COBL: variants seen among roughly 807,000 people sequenced by gnomAD.
The protein encoded by COBL is cordon-bleu WH2 repeat protein, also known as protein cordon-bleu.
COBL carries 51 observed loss-of-function variants against 98.8 expected under a neutral mutation model. The ratio of observed to expected loss-of-function variants is 0.52; its 90% confidence interval spans 0.41 to 0.65. The LOEUF is 0.65. Among genes scored for constraint, COBL ranks in the 30% least tolerant of loss-of-function variants. The probability of loss-of-function intolerance (pLI) is 0.00; values close to 1 mark genes in which losing one functional copy is unlikely to be tolerated. For synonymous variants in COBL, 634 were observed against 651.7 expected (o/e 0.97, Z 0.41); for missense variants, 1,617 against 1,617.5 (o/e 1.00, Z 0.01).
chr7:51,111,054 G>GT (rs1248831992), intron 6 of COBL, among the ~76,000 whole-genome samples: 1 of 152,210 alleles, frequency 6.6e-6, no homozygotes, highest in African/African-American at 2.4e-5. Flanking sequence ...TAGATGCCCA[G>GT]TAGTGGGATT....
chr7:51,177,580 C>A (rs1788492768), intron 5 of COBL, among the ~76,000 whole-genome samples: 1 of 151,738 alleles, frequency 6.6e-6, no homozygotes, highest in Non-Finnish European at 1.5e-5. Flanking sequence ...TCGAGACCAG[C>A]CTGGCTGACA....
chr7:51,214,659 C>A (rs1376290156), intron 2 of COBL, among the ~76,000 whole-genome samples: 1 of 152,070 alleles, frequency 6.6e-6, no homozygotes, highest in Non-Finnish European at 1.5e-5. Context: ...CAACATGTAC[C>A]CTGGGGGCCC....
At chr7:51,088,332 T>C (rs1562894849) in intron 6 of COBL, among the ~76,000 whole-genome samples, 1 of 118,212 alleles carries the variant, frequency 8.5e-6, no homozygotes, top group Non-Finnish European at 1.8e-5. Context: ...GCCTAAATTT[T>C]TTCTGATTTC....
intron 5 of COBL, among the ~76,000 whole-genome samples, chr7:51,169,336 T>A (rs1467222176): frequency 6.6e-6 from 1 of 151,908 alleles, no homozygotes; most frequent in Non-Finnish European, 1.5e-5. Flanking sequence ...ATGTATTATG[T>A]CCCCCCAAAA....
At chr7:51,100,921 A>AC (rs1157071612) in intron 6 of COBL, among the ~76,000 whole-genome samples, 14 of 149,492 alleles carry the variant, frequency 9.4e-5, no homozygotes, top group African/African-American at 3.4e-4. Flanking sequence ...AACAAAAAAA[A>AC]AACAACAACA....
At chr7:51,043,796 T>G (rs1789433232) in intron 7 of COBL, 104 bp from the exon 8 acceptor site, 2 of 932,088 alleles carry the variant, frequency 2.1e-6, no homozygotes, top group Non-Finnish European at 3.2e-6. Flanking sequence ...AAATTTGGGA[T>G]TCAGGGTGCT....
intron 1 of COBL, among the ~76,000 whole-genome samples, chr7:51,297,439 T>C (rs1445160754): frequency 6.9e-6 from 1 of 144,394 alleles, no homozygotes; most frequent in African/African-American, 2.6e-5. Context: ...TCATGCAGGC[T>C]GGAGTGCAAT....
intron 5 of COBL, among the ~76,000 whole-genome samples, chr7:51,153,890 A>G (rs1785819182): frequency 6.6e-6 from 1 of 152,220 alleles, no homozygotes; most frequent in Non-Finnish European, 1.5e-5. Flanking sequence ...CATGTCCTTA[A>G]GTTCTCGCCA....
At position 51,191,662 on chromosome 7, in the gene COBL, A is replaced by G. The variant is rs532118044; in HGVS notation, c.457-584T>C. On this transcript the variant is annotated intron_variant, in intron 3 of 12. Transcript: ENST00000265136. Reference sequence around the variant, plus strand: ...TTATGTATACACACTACACACACGTATTTAAGCTATAAATATATTTTAAAA... The same window carrying G: ...TTATGTATACACACTACACACACGTGTTTAAGCTATAAATATATTTTAAAA... Among the ~76,000 whole-genome samples the G allele has an allele frequency of 6.6e-5, 10 of 152,216 alleles. No individual in the cohort carries two copies. In the East Asian group the frequency reaches 1.9e-3, roughly 29 times the overall value.
chr7:51,170,065 C>A (rs1289152830), intron 5 of COBL, among the ~76,000 whole-genome samples: 1 of 152,066 alleles, frequency 6.6e-6, no homozygotes, highest in Non-Finnish European at 1.5e-5. Flanking sequence ...AAAAGCATTA[C>A]CCACTCTCAT....
intron 6 of COBL, among the ~76,000 whole-genome samples, chr7:51,085,806 C>A (rs555454285): frequency 6.6e-5 from 10 of 152,216 alleles, no homozygotes; most frequent in Non-Finnish European, 1.5e-4. Flanking sequence ...CGTTCCAGAG[C>A]AGCTGCAGCC....
chr7:51,315,049 T>C (rs1163562963), intron 1 of COBL, among the ~76,000 whole-genome samples: 2 of 152,220 alleles, frequency 1.3e-5, no homozygotes, highest in Non-Finnish European at 2.9e-5. Context: ...CATATTTATT[T>C]ATAAGGTGAT....
intron 5 of COBL, among the ~76,000 whole-genome samples, chr7:51,149,286 C>T (rs1296982930): frequency 6.6e-6 from 1 of 152,200 alleles, no homozygotes; most frequent in Non-Finnish European, 1.5e-5. Context: ...AGGACAGGAA[C>T]TGGCGTCTGT....
intron 6 of COBL, among the ~76,000 whole-genome samples, chr7:51,115,664 A>G (rs937534541): frequency 6.6e-5 from 10 of 152,116 alleles, no homozygotes; most frequent in African/African-American, 2.4e-4. Flanking sequence ...AACATACCAC[A>G]TTGTACTAGA....
chr7:51,059,645 G>A (rs1473443067), intron 7 of COBL, among the ~76,000 whole-genome samples: 1 of 151,642 alleles, frequency 6.6e-6, no homozygotes, highest in Admixed American at 6.6e-5. Flanking sequence ...TGGTCAGGTA[G>A]GGGTGGGTGG....
rs751920839 is a variant in COBL, at chr7:51,043,581, G to A, written c.1208C>T (p.Thr403Met). 4.3e-5 allele frequency: 70 copies of A among 1,614,046 alleles called. No individual in the cohort carries two copies. The highest frequency in any genetic ancestry group is 5.1e-5 in the Non-Finnish European group (60 of 1,180,034). ...ACTCATCACTCCTGAGTCCTCGGTC[G>A]TGTCCTCCGACGCAAAACAGCTGCC... The part of the protein sequence containing the change: ...SVGSCFASED[T>M]TEDSGVMSSP... Residue 403 changes from threonine to methionine, a missense_variant, in exon 8 of 13, where the codon ACG becomes ATG. This residue lies in a region of COBL where 1,304 missense variants were observed against 1,282.0 expected (regional missense o/e 1.02). Transcript: ENST00000265136.
chr7:51,213,588 G>A (rs1045247603), intron 2 of COBL, among the ~76,000 whole-genome samples: 1 of 152,178 alleles, frequency 6.6e-6, no homozygotes, highest in South Asian at 2.1e-4. Context: ...AAAAGGGTCA[G>A]TGTGGAGACA....
At chr7:51,107,808 G>A (rs1205728064) in intron 6 of COBL, among the ~76,000 whole-genome samples, 1 of 152,164 alleles carries the variant, frequency 6.6e-6, no homozygotes, top group African/African-American at 2.4e-5. Context: ...TGCCAAAGCA[G>A]CAGGGAATCT....
At position 51,316,693 on chromosome 7, in the gene COBL, C is replaced by T. The variant is rs530485704; in HGVS notation, c.-60G>A. On this transcript the variant is annotated 5_prime_UTR_variant, in exon 1 of 13. Transcript: ENST00000265136. ...GCCCGCCGAGTCAGGCGCTGGCTACCGCCGCCACCGCTGCCGCCCTCATTC... is the reference window on the plus strand; with the variant it reads ...GCCCGCCGAGTCAGGCGCTGGCTACTGCCGCCACCGCTGCCGCCCTCATTC... 11 of 1,130,324 alleles carry T rather than the reference C, an allele frequency of 9.7e-6. No individual in the cohort carries two copies. Among genetic ancestry groups the T allele is most frequent in the Non-Finnish European group, 1.1e-5 (10 of 906,378 alleles). The allele number at this position is 1,130,324 out of a possible 1,614,324, so 70.0% of individuals were successfully genotyped here. A position where few individuals can be genotyped will look rare whatever the true frequency, so the allele number is the denominator to read the frequency against.
Sources: gnomAD v4.1 joint callset for allele counts (sites outside exome capture counted in the v4.1 genomes callset) on GRCh38, gnomAD v4.1.1 for gene constraint, gnomAD v4.1.1 regional missense constraint, MANE v1.5 for transcripts, NCBI Gene and HGNC (gene_info 2026-07-23, HGNC 2026-07-21) for gene names.